Variants in HTRA1 observed in about 807,000 individuals in gnomAD.
The protein encoded by HTRA1 is HtrA serine peptidase 1.
In HTRA1, 26 loss-of-function variants were observed where a neutral mutation model predicts 49.7. That is an observed-to-expected ratio of 0.52 (90% CI 0.38 to 0.73). The LOEUF (loss-of-function observed/expected upper bound fraction) is 0.73, where lower values mean the gene tolerates loss of function less well. Ranked by LOEUF, HTRA1 falls within the 30% of genes least tolerant of loss-of-function variation. HTRA1 has a pLI of 0.00. For synonymous variants in HTRA1, 291 were observed against 286.9 expected (o/e 1.01, Z -0.14); for missense variants, 561 against 667.2 (o/e 0.84, Z 1.75).
At chr10:122,467,758 C>G (rs1459698279) in intron 1 of HTRA1, among the ~76,000 whole-genome samples, 1 of 151,944 alleles carries the variant, frequency 6.6e-6, no homozygotes, top group Non-Finnish European at 1.5e-5. Flanking sequence ...TTTTCCTTCT[C>G]CACCTTCTCT....
intron 1 of HTRA1, among the ~76,000 whole-genome samples, chr10:122,466,257 C>A: frequency 6.6e-6 from 1 of 152,184 alleles, no homozygotes; most frequent in Non-Finnish European, 1.5e-5. Context: ...GCTCCACCTC[C>A]CGGGTTCATG....
chr10:122,474,502 G>T (rs181996343), intron 1 of HTRA1, among the ~76,000 whole-genome samples: 1 of 152,160 alleles, frequency 6.6e-6, no homozygotes, highest in Non-Finnish European at 1.5e-5. Context: ...GACTCAACCC[G>T]GGTGGGCACT....
rs2097497352 is a variant in HTRA1 at position 122,494,100 on chromosome 10, C to T, written c.777+4474C>T. ...CAACTCCACTGCCTCACTTTGGGGA[C>T]ACATCACCCCAGGGACAACTGCATT... On this transcript the variant is annotated intron_variant, in intron 3 of 8. Transcript: ENST00000368984. This position sits in a 1 kb window ranked among gnomAD's most constrained non-coding sequence, Gnocchi z 4.0. Among the ~76,000 whole-genome samples, 1 of 152,156 alleles carries T rather than the reference C, an allele frequency of 6.6e-6. No individual in the cohort carries two copies.
chr10:122,465,865 A>G (rs564073385), intron 1 of HTRA1, among the ~76,000 whole-genome samples: 86 of 152,332 alleles, frequency 5.6e-4, no homozygotes, highest in Non-Finnish European at 1.1e-3. Context: ...CTGCTAAAAC[A>G]TGGACAAGAA....
chr10:122,497,418 C>G (rs2097499192), intron 3 of HTRA1, among the ~76,000 whole-genome samples: 1 of 152,086 alleles, frequency 6.6e-6, no homozygotes, highest in African/African-American at 2.4e-5. Flanking sequence ...GGGCAACTTC[C>G]CTGCATTTGG....
intron 1 of HTRA1, 102 bp downstream of exon 1, chr10:122,462,226 G>T: frequency 9.8e-7 from 1 of 1,025,620 alleles, no homozygotes; most frequent in Non-Finnish European, 1.4e-6. Context: ...GAAGCGTTGT[G>T]GGGTGGCCAG....
intron 1 of HTRA1, among the ~76,000 whole-genome samples, chr10:122,481,517 G>T (rs2097490979): frequency 6.6e-6 from 1 of 152,170 alleles, no homozygotes; most frequent in East Asian, 1.9e-4. Context: ...GCAGATGGAG[G>T]GCTCCACGCT....
intron 1 of HTRA1, among the ~76,000 whole-genome samples, chr10:122,488,134 G>A (rs1398230559): frequency 3.3e-5 from 5 of 152,152 alleles, no homozygotes; most frequent in Non-Finnish European, 7.4e-5. Context: ...AATAATCTCA[G>A]ATGTACCCGT....
chr10:122,476,376 T>A (rs1384595886), intron 1 of HTRA1, among the ~76,000 whole-genome samples: 1 of 152,174 alleles, frequency 6.6e-6, no homozygotes, highest in Non-Finnish European at 1.5e-5. Flanking sequence ...TCTCCCCAGC[T>A]GCACAGCATC....
At chr10:122,463,667 T>C (rs1428747201) in intron 1 of HTRA1, among the ~76,000 whole-genome samples, 1 of 152,138 alleles carries the variant, frequency 6.6e-6, no homozygotes, top group East Asian at 1.9e-4. Flanking sequence ...ACACCCAGCT[T>C]CTCATTCCCG....
At chr10:122,498,543 G>A (rs950270542) in intron 3 of HTRA1, among the ~76,000 whole-genome samples, 6 of 152,052 alleles carry the variant, frequency 3.9e-5, no homozygotes, top group African/African-American at 9.7e-5. Flanking sequence ...AACCCTGAAC[G>A]GAAGCTGAAT....
At chr10:122,475,258 C>T (rs1433331505) in intron 1 of HTRA1, among the ~76,000 whole-genome samples, 2 of 152,220 alleles carry the variant, frequency 1.3e-5, no homozygotes, top group African/African-American at 4.8e-5. Context: ...GACGGGGGAG[C>T]AGCCTGAGGT....
At chr10:122,462,384 G>C (rs536685054) in intron 1 of HTRA1, among the ~76,000 whole-genome samples, 1 of 152,256 alleles carries the variant, frequency 6.6e-6, no homozygotes, top group Non-Finnish European at 1.5e-5. Context: ...TCGAGACGCC[G>C]GGCGACCGGC....
chr10:122,504,516 A>G (rs909290), intron 3 of HTRA1, among the ~76,000 whole-genome samples: 125,079 of 152,140 alleles, frequency 0.82, 51,903 homozygotes, highest in Non-Finnish European at 0.89. Context: ...CCTCCTGTCT[A>G]TCTCCTTGGG....
chr10:122,485,526 G>T (rs2097492720), intron 1 of HTRA1, among the ~76,000 whole-genome samples: 1 of 152,194 alleles, frequency 6.6e-6, no homozygotes, highest in Non-Finnish European at 1.5e-5. Flanking sequence ...AGAGGCATTT[G>T]GTCCATCTTA....
intron 1 of HTRA1, among the ~76,000 whole-genome samples, chr10:122,477,368 T>C (rs2097489112): frequency 6.6e-6 from 1 of 152,110 alleles, no homozygotes; most frequent in Non-Finnish European, 1.5e-5. Flanking sequence ...AGGCCTCCAG[T>C]ATGTACCTCC....
chr10:122,488,718 G>C (rs181792233), intron 1 of HTRA1, among the ~76,000 whole-genome samples, 184 bp from the exon 2 acceptor site: 58 of 152,312 alleles, frequency 3.8e-4, no homozygotes, highest in African/African-American at 1.3e-3. Context: ...GCCTTACCTG[G>C]GTGGGCACTC....
At chr10:122,471,253 A>C (rs1208923008) in intron 1 of HTRA1, among the ~76,000 whole-genome samples, 1 of 152,174 alleles carries the variant, frequency 6.6e-6, no homozygotes, top group Non-Finnish European at 1.5e-5. Context: ...GATGAAACCC[A>C]GTAGGAAAAG....
At position 122,506,178 on chromosome 10, in the gene HTRA1, T is replaced by C. The variant is rs2097502975; in HGVS notation, c.778-513T>C. On this transcript the variant is annotated intron_variant, in intron 3 of 8. Coordinates refer to ENST00000368984, the MANE Select transcript of HTRA1 (RefSeq NM_002775.5). The surrounding 1 kb of genome is among the most constrained non-coding windows in gnomAD (Gnocchi z 5.2). ...TAGGCGTGCACCTGAGTCAGTACAG[T>C]TCCCTGCCCGCAGAGCACCCCAAAT... Among the ~76,000 whole-genome samples the C allele has an allele frequency of 6.6e-6, 1 of 151,568 alleles. No homozygotes were observed. Among genetic ancestry groups the C allele is most frequent in the Non-Finnish European group, 1.5e-5 (1 of 67,884 alleles).
Sources: gnomAD v4.1 joint callset for allele counts (sites outside exome capture counted in the v4.1 genomes callset) on GRCh38, gnomAD v4.1.1 for gene constraint, Gnocchi (gnomAD v3.1) non-coding constraint, MANE v1.5 for transcripts, NCBI Gene and HGNC (gene_info 2026-07-23, HGNC 2026-07-21) for gene names.